Variants in VPS8 observed in about 807,000 individuals in gnomAD.
The protein encoded by VPS8 is VPS8 subunit of CORVET complex.
VPS8 carries 129 observed loss-of-function variants against 216.4 expected under a neutral mutation model. That is an observed-to-expected ratio of 0.60 (90% CI 0.52 to 0.69). The LOEUF is 0.69. VPS8 is among the 30% of genes least tolerant of loss of function. The pLI is 0.00. For missense variants in VPS8, 1,531 were observed against 1,683.5 expected (o/e 0.91, Z 1.59); for synonymous variants, 571 against 565.4 (o/e 1.01, Z -0.14).
At position 184,812,171 on chromosome 3, in the gene VPS8, A is replaced by C. The variant is rs779888426; in HGVS notation, c.-143A>C. Reference sequence around the variant, plus strand: ...TAGTGCGCGTGCGTGAGGCTAGAGCAGTGGGTGCGGTCACGTGGGCCGGCG... The same window carrying C: ...TAGTGCGCGTGCGTGAGGCTAGAGCCGTGGGTGCGGTCACGTGGGCCGGCG... On this transcript the variant is annotated 5_prime_UTR_variant, in exon 1 of 48. Transcript: ENST00000625842. 1 of 152,406 alleles carries C rather than the reference A, an allele frequency of 6.6e-6. No individual in the cohort carries two copies. Among genetic ancestry groups the C allele is most frequent in the African/African-American group, 2.4e-5 (1 of 41,468 alleles). The allele number at this position is 152,406 out of a possible 1,614,324, so 9.4% of individuals were successfully genotyped here. A position where few individuals can be genotyped will look rare whatever the true frequency, so the allele number is the denominator to read the frequency against.
intron 40 of VPS8, among the ~76,000 whole-genome samples, chr3:184,972,559 G>A (rs967696956): frequency 2.6e-5 from 4 of 152,204 alleles, no homozygotes; most frequent in African/African-American, 9.7e-5. Context: ...CTGCACCCCA[G>A]ATCAATTAAA....
chr3:184,869,722 C>CT (rs1377984287), intron 20 of VPS8, among the ~76,000 whole-genome samples, 194 bp downstream of exon 20: 1 of 151,648 alleles, frequency 6.6e-6, no homozygotes, highest in East Asian at 1.9e-4. Context: ...GACCCCGTCT[C>CT]TAAAAAAAAA....
At chr3:184,984,554 A>G (rs1750777613) in intron 42 of VPS8, among the ~76,000 whole-genome samples, 1 of 152,008 alleles carries the variant, frequency 6.6e-6, no homozygotes, top group Non-Finnish European at 1.5e-5. Flanking sequence ...CAGCCTCCCA[A>G]AGTGCTCGGA....
rs545969311 is a variant in VPS8 at position 184,875,713 on chromosome 3, A to G, written c.1734+4908A>G. Among the ~76,000 whole-genome samples the G allele has an allele frequency of 3.3e-5, 5 of 151,566 alleles. No individual in the cohort carries two copies. In the East Asian group the frequency reaches 9.8e-4, roughly 30 times the overall value. On this transcript the variant is annotated intron_variant, in intron 21 of 47. Transcript: ENST00000625842. ...TTACAAGAGCTGTCTCTGGCCAGGG[A>G]TGATGGCTCACACCTACAATCTCAG...
At chr3:185,045,165 T>C (rs1037001678) in intron 46 of VPS8, among the ~76,000 whole-genome samples, 4 of 152,228 alleles carry the variant, frequency 2.6e-5, no homozygotes, top group Non-Finnish European at 4.4e-5. Flanking sequence ...CCACCTTCAT[T>C]GCCACCAGTG....
intron 28 of VPS8, among the ~76,000 whole-genome samples, chr3:184,919,752 A>G (rs772817938): frequency 3.3e-5 from 5 of 152,176 alleles, no homozygotes; most frequent in Non-Finnish European, 5.9e-5. Context: ...GTTATTTCCA[A>G]ATAACAGACT....
chr3:184,886,637 T>G (rs1327152446), intron 22 of VPS8, among the ~76,000 whole-genome samples: 2 of 151,806 alleles, frequency 1.3e-5, no homozygotes, highest in African/African-American at 4.8e-5. Flanking sequence ...TGGAGTGCAA[T>G]GGTGCGATCT....
At position 184,902,998 on chromosome 3, in the gene VPS8, C is replaced by T. The variant is rs545895492; in HGVS notation, c.2146+2026C>T. Among the ~76,000 whole-genome samples the T allele has an allele frequency of 1.2e-3, 178 of 152,170 alleles. 1 individual carries two copies. The highest frequency in any genetic ancestry group is 4.1e-3 in the African/African-American group (171 of 41,506). ...TAAAGTTCAAGGATTTTTTTCCATA[C>T]AGCTATCAGTTATTCCCATAAGTCT... On this transcript the variant is annotated intron_variant, in intron 25 of 47. Coordinates refer to ENST00000625842, the MANE Select transcript of VPS8 (RefSeq NM_001009921.3).
intron 26 of VPS8, among the ~76,000 whole-genome samples, chr3:184,914,359 C>T (rs946687241): frequency 2.6e-5 from 4 of 152,148 alleles, no homozygotes; most frequent in Admixed American, 2.6e-4. Context: ...AAAATTTGCT[C>T]CCTCCCCGCC....
intron 44 of VPS8, among the ~76,000 whole-genome samples, chr3:184,998,553 A>C (rs1752956903): frequency 1.5e-5 from 2 of 132,016 alleles, no homozygotes; most frequent in South Asian, 2.5e-4. Flanking sequence ...AGAGAGAGAG[A>C]GAGAAGGGAA....
At chr3:184,952,332 G>C (rs929564245) in intron 36 of VPS8, among the ~76,000 whole-genome samples, 1 of 152,178 alleles carries the variant, frequency 6.6e-6, no homozygotes, top group Admixed American at 6.5e-5. Context: ...CAGTTCTCTA[G>C]TGGGCACCAA....
At chr3:184,888,515 C>T (rs924523699) in intron 22 of VPS8, among the ~76,000 whole-genome samples, 3 of 152,208 alleles carry the variant, frequency 2.0e-5, no homozygotes, top group Non-Finnish European at 4.4e-5. Context: ...CTCTTTACCT[C>T]ACTTTCACAC....
chr3:185,016,318 G>A (rs955906773), intron 45 of VPS8, among the ~76,000 whole-genome samples: 9 of 152,142 alleles, frequency 5.9e-5, no homozygotes, highest in Non-Finnish European at 7.4e-5. Flanking sequence ...GTGAGAAATC[G>A]AATTTTGCAA....
At chr3:184,905,800 A>G (rs1261892807) in intron 25 of VPS8, among the ~76,000 whole-genome samples, 1 of 152,098 alleles carries the variant, frequency 6.6e-6, no homozygotes, top group Non-Finnish European at 1.5e-5. Flanking sequence ...AAAGTGTTCA[A>G]CTTCATTAGT....
At position 184,894,781 on chromosome 3, in the gene VPS8, G is replaced by A. The variant is rs1350565899; in HGVS notation, c.1860G>A (p.Glu620=). The change falls in exon 23 of 48, where the codon GAG becomes GAA. Residue 620 remains glutamate, a synonymous_variant. Coordinates refer to ENST00000625842, the MANE Select transcript of VPS8 (RefSeq NM_001009921.3). ...VAKGVFLECL[E]PYILSDKLVG... is the part of the protein sequence containing the mutation. ...AAGGAGTATTTTTGGAGTGCCTTGA[G>A]CCATATATTTTAAGTGATAAATTGG... 6.8e-6 allele frequency: 11 copies of A among 1,609,966 alleles called. No homozygotes were observed. The highest frequency in any genetic ancestry group is 9.3e-6 in the Non-Finnish European group (11 of 1,178,020).
chr3:184,999,777 C>T lies in VPS8; in HGVS notation c.3918C>T (p.Cys1306=). The T allele has an allele frequency of 6.2e-7, 1 of 1,613,056 alleles. No individual in the cohort carries two copies. The highest frequency in any genetic ancestry group is 8.5e-7 in the Non-Finnish European group (1 of 1,179,508). Residue 1306 remains cysteine, a synonymous_variant, in exon 45 of 48, where the codon TGC becomes TGT. Coordinates refer to ENST00000625842, the MANE Select transcript of VPS8 (RefSeq NM_001009921.3). Reference sequence around the variant, plus strand: ...TTGAGGGCCAAACAAGATGGACATGCTACAAATGCAGTTCAAGTAACAAAG... The same window carrying T: ...TTGAGGGCCAAACAAGATGGACATGTTACAAATGCAGTTCAAGTAACAAAG... The part of the protein sequence containing the change: ...VEFEGQTRWT[C]YKCSSSNKVG...
At chr3:184,931,380 CATTT>C (rs1441318831) in intron 34 of VPS8, among the ~76,000 whole-genome samples, 3 of 152,042 alleles carry the variant, frequency 2.0e-5, no homozygotes, top group African/African-American at 4.8e-5. Flanking sequence ...TTGGAAATAA[CATTT>C]ATATCTACAG....
intron 29 of VPS8, among the ~76,000 whole-genome samples, chr3:184,920,973 T>G (rs551851924): frequency 2.6e-5 from 4 of 152,248 alleles, no homozygotes; most frequent in Non-Finnish European, 5.9e-5. Flanking sequence ...AATATTAATT[T>G]AACCTTGTAA....
chr3:184,849,693 G>C (rs1246206512), intron 9 of VPS8: 3 of 498,594 alleles, frequency 6.0e-6, no homozygotes, highest in Non-Finnish European at 1.1e-5. Flanking sequence ...TTGTCTCTCA[G>C]TATGAGAACA....
Sources: gnomAD v4.1 joint callset for allele counts (sites outside exome capture counted in the v4.1 genomes callset) on GRCh38, gnomAD v4.1.1 for gene constraint, MANE v1.5 for transcripts, NCBI Gene and HGNC (gene_info 2026-07-23, HGNC 2026-07-21) for gene names.